The following NLGN4X variants were observed in gnomAD, a reference collection of about 807,000 sequenced individuals.
NLGN4X encodes the protein neuroligin-4, X-linked.
In NLGN4X, 3 loss-of-function variants were observed where a neutral mutation model predicts 40.3. That is an observed-to-expected ratio of 0.07 (90% CI 0.03 to 0.19). The LOEUF (loss-of-function observed/expected upper bound fraction) is 0.19, where lower values mean the gene tolerates loss of function less well. NLGN4X is among the 10% of genes least tolerant of loss of function. NLGN4X has a pLI of 1.00. For missense variants in NLGN4X, 382 were observed against 708.3 expected, an observed-to-expected ratio of 0.54 and a Z score of 5.23; for synonymous variants, 270 against 306.8, an observed-to-expected ratio of 0.88 and a Z score of 1.25.
intron 2 of NLGN4X, among the ~76,000 whole-genome samples, chrX:6,030,116 A>T (rs377302750): frequency 2.5e-4 from 28 of 112,360 alleles, no homozygotes; most frequent in East Asian, 2.2e-3. Flanking sequence ...ATGTAATAAA[A>T]AATGGCAAAA....
chrX:5,905,761 C>CCT (rs1182194394), intron 4 of NLGN4X, among the ~76,000 whole-genome samples: 5 of 112,079 alleles, frequency 4.5e-5, no homozygotes, highest in African/African-American at 1.6e-4. Context: ...CTCGCTGGAG[C>CCT]CTCTGCCTTC....
At chrX:6,189,358 AT>A (rs1401244526) in intron 1 of NLGN4X, among the ~76,000 whole-genome samples, 1 of 111,911 alleles carries the variant, frequency 8.9e-6, no homozygotes, top group Admixed American at 9.5e-5. Flanking sequence ...TAGGATCACC[AT>A]TCAGCAAAGA....
intron 3 of NLGN4X, among the ~76,000 whole-genome samples, chrX:5,926,984 T>TATC (rs1569135384): frequency 1.7e-4 from 15 of 87,635 alleles, no homozygotes; most frequent in African/African-American, 6.4e-4. Context: ...ATCTATCTGT[T>TATC]TCACAGGTTT....
At chrX:6,001,333 T>C (rs1409287116) in intron 3 of NLGN4X, among the ~76,000 whole-genome samples, 1 of 111,791 alleles carries the variant, frequency 8.9e-6, no homozygotes, top group Non-Finnish European at 1.9e-5. Context: ...TCAAATGGAG[T>C]ACAACTAAAA....
chrX:5,939,852 A>C (rs2033864952), intron 3 of NLGN4X, among the ~76,000 whole-genome samples: 1 of 111,901 alleles, frequency 8.9e-6, no homozygotes, highest in African/African-American at 3.2e-5. Context: ...GTGTATCCGC[A>C]AATTGCCCTA....
chrX:6,035,013 T>C (rs2036966400), intron 2 of NLGN4X, among the ~76,000 whole-genome samples: 1 of 112,316 alleles, frequency 8.9e-6, no homozygotes, highest in South Asian at 3.7e-4. Context: ...GGCCTCATTG[T>C]AGTTTTCATT....
chrX:6,023,858 GC>G (rs1204668277), intron 3 of NLGN4X, among the ~76,000 whole-genome samples: 2 of 111,950 alleles, frequency 1.8e-5, no homozygotes, highest in African/African-American at 6.5e-5. Context: ...GAAATCCACT[GC>G]AGGTACAGAC....
intron 2 of NLGN4X, among the ~76,000 whole-genome samples, chrX:6,130,791 C>T (rs61674070): frequency 0.018 from 2,059 of 111,809 alleles, 29 homozygotes; most frequent in African/African-American, 0.063. Context: ...AAATGTATCC[C>T]CAATCCCATG....
chrX:5,944,735 G>A (rs2034070330), intron 3 of NLGN4X, among the ~76,000 whole-genome samples: 1 of 105,441 alleles, frequency 9.5e-6, no homozygotes, highest in South Asian at 4.2e-4. Context: ...TCTGAAAGAA[G>A]AAATCAGCCA....
At chrX:5,976,649 C>T (rs1023651930) in intron 3 of NLGN4X, among the ~76,000 whole-genome samples, 3 of 111,023 alleles carry the variant, frequency 2.7e-5, no homozygotes, top group Non-Finnish European at 5.6e-5. Flanking sequence ...TTCTATCCCT[C>T]GAAAGTTGAA....
chrX:6,076,075 T>A (rs1056685745), intron 2 of NLGN4X, among the ~76,000 whole-genome samples: 2 of 111,353 alleles, frequency 1.8e-5, no homozygotes, highest in African/African-American at 6.5e-5. Context: ...GCCCCCCTCT[T>A]CCCACATCAT....
intron 1 of NLGN4X, among the ~76,000 whole-genome samples, chrX:6,156,910 TA>T (rs374144451): frequency 0.031 from 3,386 of 108,889 alleles, 138 homozygotes; most frequent in African/African-American, 0.1. Flanking sequence ...ATGTTTAAGG[TA>T]AAAAAAAATG....
intron 2 of NLGN4X, among the ~76,000 whole-genome samples, chrX:6,080,409 AG>A (rs967379590): frequency 9.0e-6 from 1 of 111,580 alleles, no homozygotes; most frequent in Non-Finnish European, 1.9e-5. Context: ...CTCCTCTCCA[AG>A]AAAAATCCAT....
chrX:6,032,892 T>A, intron 2 of NLGN4X: 1 of 342,922 alleles, frequency 2.9e-6, no homozygotes, highest in Non-Finnish European at 4.9e-6. Context: ...TGAAATTTGT[T>A]ACATTTGGAT....
chrX:6,228,057 G>T (rs1347455911), intron 1 of NLGN4X, among the ~76,000 whole-genome samples: 2 of 109,718 alleles, frequency 1.8e-5, no homozygotes, highest in Non-Finnish European at 3.8e-5. Flanking sequence ...AGCCCTGGCC[G>T]CTTCTCTCCT....
At chrX:5,928,786 C>A (rs1413311569) in intron 3 of NLGN4X, among the ~76,000 whole-genome samples, 1 of 111,005 alleles carries the variant, frequency 9.0e-6, no homozygotes, top group Admixed American at 9.6e-5. Flanking sequence ...AATTTAATTC[C>A]TCTGTCAAAT....
At chrX:6,219,983 G>A (rs1334242002) in intron 1 of NLGN4X, among the ~76,000 whole-genome samples, 3 of 108,527 alleles carry the variant, frequency 2.8e-5, no homozygotes, top group Admixed American at 9.9e-5. Flanking sequence ...ACTTTGATTC[G>A]ACAAAAACAT....
intron 1 of NLGN4X, among the ~76,000 whole-genome samples, chrX:6,161,546 C>T (rs763631090): frequency 6.4e-4 from 67 of 103,902 alleles, no homozygotes; most frequent in African/African-American, 2.2e-3. Flanking sequence ...CAATATTTTG[C>T]TTGGTTATTT....
At chrX:6,071,723 C>G (rs976217356) in intron 2 of NLGN4X, among the ~76,000 whole-genome samples, 1 of 112,039 alleles carries the variant, frequency 8.9e-6, no homozygotes, top group African/African-American at 3.2e-5. Context: ...TTTGTATGAG[C>G]AAGATTTAAA....
Sources: allele counts gnomAD v4.1 joint callset (sites outside exome capture counted in the v4.1 genomes callset), GRCh38; gene constraint gnomAD v4.1.1; transcripts MANE v1.5; gene names NCBI Gene and HGNC (gene_info 2026-07-23, HGNC 2026-07-21).